Variants in SLC30A4 observed in about 807,000 individuals in gnomAD.
SLC30A4 encodes the protein solute carrier family 30 member 4.
A neutral mutation model predicts 41.7 loss-of-function variants in SLC30A4; 20 were observed. The ratio of observed to expected loss-of-function variants is 0.48; its 90% confidence interval spans 0.34 to 0.70. The LOEUF (loss-of-function observed/expected upper bound fraction) is 0.70, where lower values mean the gene tolerates loss of function less well. SLC30A4 is among the 30% of genes least tolerant of loss of function. The probability of loss-of-function intolerance (pLI) is 0.01; values close to 1 mark genes in which losing one functional copy is unlikely to be tolerated. For synonymous variants in SLC30A4, 181 were observed against 195.9 expected (o/e 0.92, Z 0.64); for missense variants, 441 against 529.3 (o/e 0.83, Z 1.64).
intron 2 of SLC30A4, among the ~76,000 whole-genome samples, chr15:45,515,440 G>C (rs1254900640): frequency 2.7e-4 from 41 of 152,080 alleles, no homozygotes; most frequent in Admixed American, 2.6e-3. Context: ...GGATCACGAG[G>C]TCAGGAGATG....
Position 45,480,085 on chromosome 15 carries a change from T to C in SLC30A4, c.*5078A>G, listed in dbSNP as rs1891581724. On this transcript the variant is annotated 3_prime_UTR_variant, in exon 8 of 8. Transcript: ENST00000261867. ...GATGACATACTGGCACATTTCAATT[T>C]TGTGTTGCAGTTATCTGAGAATATA... The C allele has an allele frequency of 6.6e-6, 1 of 152,200 alleles. No individual in the cohort carries two copies. Among genetic ancestry groups the C allele is most frequent in the Non-Finnish European group, 1.5e-5 (1 of 68,036 alleles). The allele number at this position is 152,200 out of a possible 1,614,324, so 9.4% of individuals were successfully genotyped here.
chr15:45,496,739 C>T (rs1220710428), intron 3 of SLC30A4, among the ~76,000 whole-genome samples: 2 of 151,854 alleles, frequency 1.3e-5, no homozygotes, highest in East Asian at 1.9e-4. Context: ...CTCATGCCTA[C>T]AATCCCTGCA....
At chr15:45,486,142 C>T (rs991712366) in intron 7 of SLC30A4, among the ~76,000 whole-genome samples, 1 of 152,042 alleles carries the variant, frequency 6.6e-6, no homozygotes, top group South Asian at 2.1e-4. Flanking sequence ...CCTGCCTCAG[C>T]CTCCCAAGTA....
At chr15:45,519,813 G>A (rs1018467925) in intron 2 of SLC30A4, 1 of 152,100 alleles carries the variant, frequency 6.6e-6, no homozygotes, top group Non-Finnish European at 1.5e-5. Context: ...TGCTGTGATT[G>A]TTATTTTAAC....
rs751132466 is a variant in SLC30A4, at chr15:45,522,398, C to T, written c.-44G>A. On this transcript the variant is annotated 5_prime_UTR_variant, in exon 2 of 8. Coordinates refer to ENST00000261867, the MANE Select transcript of SLC30A4 (RefSeq NM_013309.6). ...GCGGTGCGGAACGGCTTGGGGGAGG[C>T]GGACGGCCGGCGGCGCCTACTTCAC... 6.6e-7 allele frequency: 1 copy of T among 1,525,632 alleles called. No individual in the cohort carries two copies. 94.5% of individuals were successfully genotyped at this position (1,525,632 alleles called of 1,614,324 possible).
At chr15:45,501,632 C>T (rs1892037181) in intron 3 of SLC30A4, among the ~76,000 whole-genome samples, 1 of 152,122 alleles carries the variant, frequency 6.6e-6, no homozygotes, top group South Asian at 2.1e-4. Context: ...TCCTGAGTAG[C>T]TGAGACTATA....
At chr15:45,488,793 GT>G in intron 5 of SLC30A4, 47 bp downstream of exon 5, 1 of 1,480,136 alleles carries the variant, frequency 6.8e-7, no homozygotes, top group Non-Finnish European at 9.4e-7. Context: ...TAGTTTTCAT[GT>G]TGAAATTAAG....
intron 2 of SLC30A4, among the ~76,000 whole-genome samples, chr15:45,516,494 T>C (rs1405007433): frequency 6.6e-6 from 1 of 152,218 alleles, no homozygotes; most frequent in African/African-American, 2.4e-5. Context: ...CTTTCCAGTT[T>C]CCAAAATTTT....
intron 3 of SLC30A4, chr15:45,502,834 A>C (rs1892067088): frequency 6.6e-6 from 1 of 152,148 alleles, no homozygotes; most frequent in South Asian, 2.1e-4. Context: ...TCTGTACAAA[A>C]AATTAAAAAA....
chr15:45,522,160 C>T lies in SLC30A4; in HGVS notation c.195G>A (p.Ala65=), dbSNP rs200809258. The T allele has an allele frequency of 5.6e-5, 91 of 1,614,228 alleles. No homozygotes were observed. The African/African-American group carries it at 1.1e-3, about 19-fold the overall frequency. The change falls in exon 2 of 8, where the codon GCG becomes GCA. Residue 65 remains alanine, a synonymous_variant. Coordinates refer to ENST00000261867, the MANE Select transcript of SLC30A4 (RefSeq NM_013309.6). ...CATCGTCGGCCTGGAGGGTCGGGTG[C>T]GCCCCGTTAACAGGCCTTTCCGGGG... The part of the protein sequence containing the change: ...SEAPERPVNG[A]HPTLQADDDS...
chr15:45,517,687 G>C (rs1054110807), intron 2 of SLC30A4, among the ~76,000 whole-genome samples: 1 of 151,952 alleles, frequency 6.6e-6, no homozygotes, highest in Non-Finnish European at 1.5e-5. Context: ...GGTGGCTCAC[G>C]CCTGTAATCC....
At chr15:45,518,436 G>A (rs913119251) in intron 2 of SLC30A4, among the ~76,000 whole-genome samples, 2 of 152,154 alleles carry the variant, frequency 1.3e-5, no homozygotes, top group African/African-American at 4.8e-5. Flanking sequence ...CACAGTGCCT[G>A]GCACATAGTG....
intron 3 of SLC30A4, among the ~76,000 whole-genome samples, chr15:45,506,096 C>G (rs969621214): frequency 1.3e-5 from 2 of 151,932 alleles, no homozygotes; most frequent in Admixed American, 1.3e-4. Context: ...GGTCCCAGTC[C>G]CAGTCCCAGC....
At chr15:45,517,146 TC>T (rs1892503496) in intron 2 of SLC30A4, among the ~76,000 whole-genome samples, 16 of 151,910 alleles carry the variant, frequency 1.1e-4, no homozygotes, top group African/African-American at 3.9e-4. Flanking sequence ...TGAAATACTC[TC>T]TTTTTTAAAA....
chr15:45,520,339 G>A (rs1453117807), intron 2 of SLC30A4, among the ~76,000 whole-genome samples: 17 of 151,612 alleles, frequency 1.1e-4, no homozygotes, highest in African/African-American at 3.1e-4. Context: ...GCGCAATCTC[G>A]GCTCACCACA....
Position 45,511,208 on chromosome 15 carries a change from G to C in SLC30A4, c.468C>G (p.Leu156=). Residue 156 remains leucine (L), a synonymous_variant, in exon 3 of 8, where the codon CTC becomes CTG. Transcript: ENST00000261867. ...ATGATAGCCACAAAGCAAGCAGGGT[G>C]AGTATGATGGCGCTTAGGTCAGTTA... The part of the protein sequence containing the change: ...HMLTDLSAII[L]TLLALWLSSK... 1 of 1,613,416 alleles carries C rather than the reference G, an allele frequency of 6.2e-7. No homozygotes were observed. Among genetic ancestry groups the C allele is most frequent in the Non-Finnish European group, 8.5e-7 (1 of 1,179,426 alleles).
At chr15:45,505,780 G>A (rs1358686487) in intron 3 of SLC30A4, among the ~76,000 whole-genome samples, 3 of 152,170 alleles carry the variant, frequency 2.0e-5, no homozygotes, top group Admixed American at 6.5e-5. Flanking sequence ...AGGAAGTGCT[G>A]GAAGGATAGG....
intron 6 of SLC30A4, 52 bp downstream of exon 6, chr15:45,487,475 A>G (rs1891726437): frequency 1.1e-6 from 1 of 901,572 alleles, no homozygotes. Context: ...CTGACTCCCA[A>G]TCTGCTTTAG....
At chr15:45,509,399 G>A (rs917956199) in intron 3 of SLC30A4, among the ~76,000 whole-genome samples, 25 of 151,900 alleles carry the variant, frequency 1.6e-4, no homozygotes, top group African/African-American at 5.6e-4. Flanking sequence ...GATTACAGGC[G>A]TGCACCACCA....
Sources: gnomAD v4.1 joint callset for allele counts (sites outside exome capture counted in the v4.1 genomes callset) on GRCh38, gnomAD v4.1.1 for gene constraint, MANE v1.5 for transcripts, NCBI Gene and HGNC (gene_info 2026-07-23, HGNC 2026-07-21) for gene names.